The following RSPO4 variants were observed in gnomAD, a reference collection of about 807,000 sequenced individuals.
The protein encoded by RSPO4 is R-spondin-4.
In RSPO4, 23 loss-of-function variants were observed where a neutral mutation model predicts 24.8. The observed-to-expected ratio is 0.93, with a 90% CI of 0.67 to 1.31. The LOEUF (loss-of-function observed/expected upper bound fraction) is 1.31. RSPO4 is among the 40% of genes most tolerant of loss of function. The probability of loss-of-function intolerance (pLI) is 0.00; values close to 1 mark genes in which losing one functional copy is unlikely to be tolerated. For missense variants in RSPO4, 333 were observed against 316.5 expected (o/e 1.05, Z -0.39); for synonymous variants, 141 against 127.4 (o/e 1.11, Z -0.72).
rs762295741 is a variant in RSPO4 at position 960,400 on chromosome 20, C to A, written c.662G>T (p.Arg221Leu). 1.3e-6 allele frequency: 2 copies of A among 1,538,930 alleles called. No homozygotes were observed. ...RRPRKDRKLD[R>L]RLDVRPRQPG... ...CTGGCGCGGCCTCACGTCCAGCCTG[C>A]GGTCCAGCTTCCTGTCCTTGCGTGG... Residue 221 changes from arginine to leucine, a missense_variant, in exon 5 of 5, where the codon CGC becomes CTC. By Grantham distance (102) the Arg-to-Leu change is moderately radical (BLOSUM62 -2). Coordinates refer to ENST00000217260, the MANE Select transcript of RSPO4 (RefSeq NM_001029871.4).
intron 3 of RSPO4, among the ~76,000 whole-genome samples, chr20:965,169 G>A (rs1600088637): frequency 6.6e-6 from 1 of 152,134 alleles, no homozygotes; most frequent in South Asian, 2.1e-4. Flanking sequence ...CCGTGATGAG[G>A]GAAGTGCAGG....
At chr20:968,632 C>T (rs1329821985) in intron 1 of RSPO4, among the ~76,000 whole-genome samples, 1 of 152,234 alleles carries the variant, frequency 6.6e-6, no homozygotes, top group African/African-American at 2.4e-5. Flanking sequence ...AGTTTTCCAT[C>T]ACTCACAAGC....
At chr20:991,174 C>T (rs1246912856) in intron 1 of RSPO4, among the ~76,000 whole-genome samples, 1 of 152,200 alleles carries the variant, frequency 6.6e-6, no homozygotes, top group East Asian at 1.9e-4. Flanking sequence ...CTCCTGGGCT[C>T]AAGCCATCCT....
chr20:960,488 C>G (rs1302141959), intron 4 of RSPO4, 22 bp from the exon 5 acceptor site: 1 of 1,522,858 alleles, frequency 6.6e-7, no homozygotes, highest in East Asian at 2.5e-5. Context: ...GGACAGAGCC[C>G]GGTGACCAAG....
Position 964,137 on chromosome 20 carries a change from G to GAGACAGAC in RSPO4, c.410-25_410-18dup. 6 of 1,597,786 alleles carry GAGACAGAC rather than the reference G, an allele frequency of 3.8e-6. No individual in the cohort carries two copies. The highest frequency in any genetic ancestry group is 5.1e-6 in the Non-Finnish European group (6 of 1,170,018). The stretch of plus-strand genomic sequence containing the variant: ...CACACTCCCCTGTGGGGTGAAAGGA[G>GAGACAGAC]AGACAGACAGACAGACAGACAGGGT... On this transcript the variant is annotated splice_polypyrimidine_tract_variant and intron_variant, in intron 3 of 4. Coordinates refer to ENST00000217260, the MANE Select transcript of RSPO4 (RefSeq NM_001029871.4).
In RSPO4 at chr20:981,600, T is replaced by C. The variant is rs1160307199; in HGVS notation, c.80-13462A>G. On this transcript the variant is annotated intron_variant, in intron 1 of 4. Transcript: ENST00000217260. This position sits in a 1 kb window ranked among gnomAD's most constrained non-coding sequence, Gnocchi z 4.6. The stretch of plus-strand genomic sequence containing the variant: ...GCAACCTGACTCCTTTCGCCACTCA[T>C]AGGAGGGGCATTTCCCCAAGCAGCC... Among the ~76,000 whole-genome samples the C allele has an allele frequency of 1.3e-5, 2 of 152,154 alleles. No homozygotes were observed. Among genetic ancestry groups the C allele is most frequent in the Non-Finnish European group, 2.9e-5 (2 of 68,012 alleles).
chr20:976,973 A>G (rs558218643), intron 1 of RSPO4, among the ~76,000 whole-genome samples: 49 of 152,300 alleles, frequency 3.2e-4, no homozygotes, highest in South Asian at 1.2e-3. Context: ...TAAATAAGGC[A>G]TATGTTCCCC....
chr20:978,286 C>T lies in RSPO4; in HGVS notation c.80-10148G>A, dbSNP rs535794486. On this transcript the variant is annotated intron_variant, in intron 1 of 4. Coordinates refer to ENST00000217260, the MANE Select transcript of RSPO4 (RefSeq NM_001029871.4). Reference sequence around the variant, plus strand: ...GGTCTTCTCTTCTGTAAAATGGGGACGATAGTAGCAACCACCTCCCAGGCA... The same window carrying T: ...GGTCTTCTCTTCTGTAAAATGGGGATGATAGTAGCAACCACCTCCCAGGCA... Among the ~76,000 whole-genome samples the T allele has an allele frequency of 1.7e-4, 26 of 152,268 alleles. No individual in the cohort carries two copies. The South Asian group carries it at 3.3e-3, about 19-fold the overall frequency.
At chr20:961,016 C>T (rs945399032) in intron 4 of RSPO4, among the ~76,000 whole-genome samples, 1 of 152,350 alleles carries the variant, frequency 6.6e-6, no homozygotes, top group East Asian at 1.9e-4. Context: ...CTGAGCCACA[C>T]CCAGTCCCGT....
intron 3 of RSPO4, among the ~76,000 whole-genome samples, chr20:966,934 A>G (rs1984221840): frequency 6.6e-6 from 1 of 152,240 alleles, no homozygotes; most frequent in Non-Finnish European, 1.5e-5. Flanking sequence ...TTCCCTTGGC[A>G]TTAATAACAA....
chr20:968,017 G>C lies in RSPO4; in HGVS notation c.201C>G (p.Gly67=). 6.2e-7 allele frequency: 1 copy of C among 1,614,252 alleles called. No homozygotes were observed. The change falls in exon 2 of 5, where the codon GGC becomes GGG. Residue 67 remains glycine, a synonymous_variant. Transcript: ENST00000217260. The part of the protein sequence containing the change: ...FIRREGIRQY[G]KCLHDCPPGY... Reference sequence around the variant, plus strand: ...CAGGGGGACAGTCGTGCAGGCACTTGCCGTACTGGCGGATGCCTTCCCGGC... The same window carrying C: ...CAGGGGGACAGTCGTGCAGGCACTTCCCGTACTGGCGGATGCCTTCCCGGC...
Position 960,264 on chromosome 20 carries a change from A to G in RSPO4, c.*93T>C. The G allele has an allele frequency of 1.3e-6, 1 of 775,748 alleles. No homozygotes were observed. The highest frequency in any genetic ancestry group is 2.2e-6 in the Non-Finnish European group (1 of 454,994). 48.1% of individuals were successfully genotyped at this position (775,748 alleles called of 1,614,324 possible). ...GAAAGAGAGGACAAATGGAGAAGACAGAGGAGAAAGAGTAAGAGGAGAGGA... is the reference window on the plus strand; with the variant it reads ...GAAAGAGAGGACAAATGGAGAAGACGGAGGAGAAAGAGTAAGAGGAGAGGA... On this transcript the variant is annotated 3_prime_UTR_variant, in exon 5 of 5. Transcript: ENST00000217260.
In RSPO4 at chr20:998,980, G is replaced by A. The variant is rs117760147; in HGVS notation, c.79+3106C>T. 3.2e-4 allele frequency among the ~76,000 whole-genome samples: 47 copies of A among 147,918 alleles called. 1 individual carries two copies. Among genetic ancestry groups the A allele is most frequent in the African/African-American group, 1.1e-3 (45 of 39,532 alleles). ...TGTTTGGGAAAGGTCACTCTCTCTC[G>A]CTCTCTTTTTTTTTTTTTTTTTTTG... On this transcript the variant is annotated intron_variant, in intron 1 of 4. Transcript: ENST00000217260.
At chr20:961,363 T>A (rs1983992882) in intron 4 of RSPO4, among the ~76,000 whole-genome samples, 1 of 152,220 alleles carries the variant, frequency 6.6e-6, no homozygotes, top group Non-Finnish European at 1.5e-5. Flanking sequence ...CATGAGTCAC[T>A]TTCTGAAGGT....
intron 1 of RSPO4, among the ~76,000 whole-genome samples, chr20:1,001,012 T>C (rs1474314893): frequency 6.6e-6 from 1 of 152,220 alleles, no homozygotes; most frequent in Non-Finnish European, 1.5e-5. Flanking sequence ...TTCCTTCCCC[T>C]TTATCCTTGC....
At position 994,132 on chromosome 20, in the gene RSPO4, A is replaced by C. The variant is rs1048281302; in HGVS notation, c.79+7954T>G. On this transcript the variant is annotated intron_variant, in intron 1 of 4. Transcript: ENST00000217260. ...GCAGGTAACATCTGGCATCTCCTGC[A>C]CCCTCATGTCTACTCACATAAATGC... 2.6e-5 allele frequency among the ~76,000 whole-genome samples: 4 copies of C among 152,256 alleles called. No homozygotes were observed. The East Asian group carries it at 7.7e-4, about 29-fold the overall frequency.
intron 1 of RSPO4, among the ~76,000 whole-genome samples, chr20:977,314 C>A (rs1279662418): frequency 4.6e-5 from 7 of 152,228 alleles, no homozygotes; most frequent in Admixed American, 4.6e-4. Flanking sequence ...TAGTGTGGAA[C>A]AGGGTTAAGA....
chr20:965,148 T>A (rs1984154074), intron 3 of RSPO4, among the ~76,000 whole-genome samples: 1 of 151,948 alleles, frequency 6.6e-6, no homozygotes, highest in African/African-American at 2.4e-5. Context: ...GAATTCACCA[T>A]CTGGACACCG....
intron 1 of RSPO4, among the ~76,000 whole-genome samples, chr20:993,151 C>T (rs1985164967): frequency 6.6e-6 from 1 of 152,178 alleles, no homozygotes; most frequent in South Asian, 2.1e-4. Flanking sequence ...GTCCTCTGGG[C>T]TTGGGAATGC....
Sources: gnomAD v4.1 joint callset for allele counts (sites outside exome capture counted in the v4.1 genomes callset) on GRCh38, gnomAD v4.1.1 for gene constraint, Gnocchi (gnomAD v3.1) non-coding constraint, MANE v1.5 for transcripts, NCBI Gene and HGNC (gene_info 2026-07-23, HGNC 2026-07-21) for gene names.